The following COL3A1 variants were observed in gnomAD, a reference collection of about 807,000 sequenced individuals.
COL3A1 encodes the protein collagen type III alpha 1 chain.
In COL3A1, 46 loss-of-function variants were observed where a neutral mutation model predicts 200.9. The ratio of observed to expected loss-of-function variants is 0.23; its 90% CI spans 0.18 to 0.29. COL3A1 has a LOEUF of 0.29. Ranked by LOEUF, COL3A1 falls within the 10% of genes least tolerant of loss-of-function variation. The pLI is 1.00. For missense variants in COL3A1, 1,367 were observed against 1,917.6 expected, an observed-to-expected ratio of 0.71 and a Z score of 5.36; for synonymous variants, 650 against 628.0, an observed-to-expected ratio of 1.03 and a Z score of -0.52.
At chr2:188,993,939 T>C in intron 16 of COL3A1, 99 bp from the exon 17 acceptor site, 2 of 1,125,978 alleles carry the variant, frequency 1.8e-6, no homozygotes, top group East Asian at 5.0e-5. Flanking sequence ...CTACAAAGCA[T>C]AACACTCATC....
rs148015311 is a variant in COL3A1, at chr2:189,011,679, G to C, written c.4306G>C (p.Ala1436Pro). Residue 1436 changes from alanine to proline, a missense_variant, in exon 51 of 51, where the codon GCT (alanine) becomes CCT (proline). Coordinates refer to ENST00000304636, the MANE Select transcript of COL3A1 (RefSeq NM_000090.4). ...KTVFEYRTRK[A>P]VRLPIVDIAP... ...AGTCTTTGAATATCGAACACGCAAG[G>C]CTGTGAGACTACCTATTGTAGATAT... is the stretch of plus-strand genomic sequence containing the variant. 31 of 1,613,886 alleles carry C rather than the reference G, an allele frequency of 1.9e-5. No homozygotes were observed. Among genetic ancestry groups the C allele is most frequent in the Non-Finnish European group, 2.6e-5 (31 of 1,179,930 alleles).
intron 11 of COL3A1, 51 bp from the exon 12 acceptor site, chr2:188,991,433 TATA>T: frequency 8.7e-7 from 1 of 1,154,388 alleles, no homozygotes; most frequent in Non-Finnish European, 1.2e-6. Context: ...TTTAAAAATA[TATA>T]ATATTTTCTT....
chr2:189,011,655 G>C lies in COL3A1; in HGVS notation c.4282G>C (p.Val1428Leu). 1 of 1,614,014 alleles carries C rather than the reference G, an allele frequency of 6.2e-7. No individual in the cohort carries two copies. Among genetic ancestry groups the C allele is most frequent in the Non-Finnish European group, 8.5e-7 (1 of 1,179,912 alleles). ...ACACACTGGGGAATGGAGCAAAACA[G>C]TCTTTGAATATCGAACACGCAAGGC... ...TKHTGEWSKT[V>L]FEYRTRKAVR... The change falls in exon 51 of 51, where the codon GTC (valine) becomes CTC (leucine). Residue 1428 changes from valine to leucine, a missense_variant. By Grantham distance (32) the Val-to-Leu change is conservative (BLOSUM62 1). Around this residue, in one of 5 missense-constraint regions of COL3A1, gnomAD observed 846 missense variants for 1,147.9 expected, o/e 0.74. Coordinates refer to ENST00000304636, the MANE Select transcript of COL3A1 (RefSeq NM_000090.4).
At chr2:188,990,208 T>G in intron 9 of COL3A1, 59 bp downstream of exon 9, 1 of 1,589,902 alleles carries the variant, frequency 6.3e-7, no homozygotes, top group Non-Finnish European at 8.6e-7. Context: ...AACTATTATG[T>G]AATTCAATGG....
At chr2:189,003,356 TCCC>T in intron 36 of COL3A1, 52 bp from the exon 37 acceptor site, 1 of 1,521,856 alleles carries the variant, frequency 6.6e-7, no homozygotes, top group Non-Finnish European at 9.1e-7. Context: ...TTAATGCTTT[TCCC>T]AAATTTTGAT....
chr2:188,987,253 C>T lies in COL3A1; in HGVS notation c.528+114C>T, dbSNP rs914856887. On this transcript the variant is annotated intron_variant, in intron 5 of 50. Coordinates refer to ENST00000304636, the MANE Select transcript of COL3A1 (RefSeq NM_000090.4). ...ATTTTTATGGAATTGTACAAAATAG[C>T]TTACCCCTACTAAGGTTGGAAAAGA... is the stretch of plus-strand genomic sequence containing the variant. The T allele has an allele frequency of 2.5e-5, 21 of 833,800 alleles. No individual in the cohort carries two copies. The African/African-American group carries it at 3.5e-4, about 14-fold the overall frequency. The allele number at this position is 833,800 out of a possible 1,614,324, so 51.7% of individuals were successfully genotyped here. A position where few individuals can be genotyped will look rare whatever the true frequency, so the allele number is the denominator to read the frequency against.
At chr2:188,997,122 T>G (rs1250986041) in intron 24 of COL3A1, 43 bp from the exon 25 acceptor site, 1 of 1,556,986 alleles carries the variant, frequency 6.4e-7, no homozygotes, top group East Asian at 2.3e-5. Flanking sequence ...TGATTAGTTA[T>G]TGCCCTTTGA....
At chr2:189,000,415 A>G (rs1688430979) in intron 32 of COL3A1, among the ~76,000 whole-genome samples, 2 of 152,230 alleles carry the variant, frequency 1.3e-5, no homozygotes, top group Non-Finnish European at 2.9e-5. Flanking sequence ...TATTTGCAAA[A>G]TAACTTCCTT....
chr2:189,003,123 G>C (rs1688506496), intron 36 of COL3A1, 61 bp downstream of exon 36: 4 of 1,307,790 alleles, frequency 3.1e-6, no homozygotes, highest in Non-Finnish European at 4.3e-6. Context: ...TTGATTATCT[G>C]TCTATCTCTC....
chr2:188,997,776 T>A, intron 27 of COL3A1, 23 bp downstream of exon 27: 2 of 1,610,098 alleles, frequency 1.2e-6, no homozygotes, highest in Middle Eastern at 1.7e-4. Context: ...TATTTAAATG[T>A]CACGGCATAT....
intron 1 of COL3A1, among the ~76,000 whole-genome samples, chr2:188,979,376 A>G (rs1687902921): frequency 6.6e-6 from 1 of 151,960 alleles, no homozygotes; most frequent in Non-Finnish European, 1.5e-5. Flanking sequence ...TTTAGTAACT[A>G]TATTTTCTGA....
At position 188,995,113 on chromosome 2, in the gene COL3A1, G is replaced by C; in HGVS notation, c.1509+14G>C. The C allele has an allele frequency of 6.2e-7, 1 of 1,613,468 alleles. No homozygotes were observed. Among genetic ancestry groups the C allele is most frequent in the African/African-American group, 1.3e-5 (1 of 75,014 alleles). ...CCAGGAGAAAAGGTAGATAACTTTA[G>C]TTTCTATGTTCCTAAATGCTAGCAC... On this transcript the variant is annotated intron_variant, in intron 21 of 50. Transcript: ENST00000304636.
intron 1 of COL3A1, chr2:188,978,255 C>G (rs1687868046): frequency 5.5e-6 from 1 of 183,044 alleles, no homozygotes; most frequent in Middle Eastern, 5.5e-4. Context: ...GAAGGAAAGA[C>G]TGTGATTAAA....
rs1014703148 is a variant in COL3A1 at position 188,994,866 on chromosome 2, G to A, written c.1455+35G>A. On this transcript the variant is annotated intron_variant, in intron 20 of 50. Coordinates refer to ENST00000304636, the MANE Select transcript of COL3A1 (RefSeq NM_000090.4). This position sits in a 1 kb window ranked among gnomAD's most constrained non-coding sequence, Gnocchi z 4.5. ...CCATGGGGCATCTAAAAGAAAAGCA[G>A]CATCACTGTCATCTAAATAAAACTA... 9 of 1,606,354 alleles carry A rather than the reference G, an allele frequency of 5.6e-6. No homozygotes were observed. The highest frequency in any genetic ancestry group is 6.8e-6 in the Non-Finnish European group (8 of 1,174,202).
intron 41 of COL3A1, chr2:189,005,753 G>A (rs1484770178): frequency 7.8e-6 from 2 of 257,742 alleles, no homozygotes; most frequent in Non-Finnish European, 1.5e-5. Context: ...ATATTCTACG[G>A]TTATCTATGG....
chr2:188,994,257 T>A lies in COL3A1; in HGVS notation c.1218T>A (p.Ala406=). 1 of 1,614,052 alleles carries A rather than the reference T, an allele frequency of 6.2e-7. No individual in the cohort carries two copies. Among genetic ancestry groups the A allele is most frequent in the Non-Finnish European group, 8.5e-7 (1 of 1,179,976 alleles). ...AGGGTCCCGCTGGCATTCCTGGAGC[T>A]CCTGGACTGATGGGAGCCCGGGGTC... ...GEMGPAGIPG[A]PGLMGARGPP... Residue 406 remains alanine, a synonymous_variant, in exon 18 of 51, where the codon GCT becomes GCA. Coordinates refer to ENST00000304636, the MANE Select transcript of COL3A1 (RefSeq NM_000090.4). The surrounding 1 kb of genome is among the most constrained non-coding windows in gnomAD (Gnocchi z 4.5).
intron 27 of COL3A1, 45 bp downstream of exon 27, chr2:188,997,798 ATT>A (rs748825677): frequency 3.0e-5 from 47 of 1,549,340 alleles, no homozygotes; most frequent in Non-Finnish European, 3.9e-5. Flanking sequence ...TGACTGTCAA[ATT>A]TTTTTGTGTC....
chr2:188,986,046 A>C (rs928324795), intron 4 of COL3A1, among the ~76,000 whole-genome samples: 2 of 152,036 alleles, frequency 1.3e-5, no homozygotes, highest in Non-Finnish European at 2.9e-5. Context: ...TAGCATACAC[A>C]TTATGTTTAA....
At chr2:188,983,872 C>T (rs1688008032) in intron 1 of COL3A1, among the ~76,000 whole-genome samples, 1 of 151,942 alleles carries the variant, frequency 6.6e-6, no homozygotes, top group Non-Finnish European at 1.5e-5. Flanking sequence ...CCACAATACA[C>T]AGCTAATGCC....
Sources: allele counts gnomAD v4.1 joint callset (sites outside exome capture counted in the v4.1 genomes callset), GRCh38; gene constraint gnomAD v4.1.1; regional missense constraint gnomAD v4.1.1; non-coding constraint Gnocchi (gnomAD v3.1); transcripts MANE v1.5; gene names NCBI Gene and HGNC (gene_info 2026-07-23, HGNC 2026-07-21).